The following HHAT variants were observed in gnomAD, a reference collection of about 807,000 sequenced individuals.
HHAT encodes the protein protein-cysteine N-palmitoyltransferase HHAT.
HHAT carries 47 observed loss-of-function variants against 70.8 expected under a neutral mutation model. That is an observed-to-expected ratio of 0.66 (90% CI 0.53 to 0.85). The LOEUF is 0.85. Ranked by LOEUF, HHAT falls within the 40% of genes least tolerant of loss-of-function variation. The pLI is 0.00. For synonymous variants in HHAT, 228 were observed against 247.6 expected, an observed-to-expected ratio of 0.92 and a Z score of 0.74; for missense variants, 609 against 604.8, an observed-to-expected ratio of 1.01 and a Z score of -0.07.
At chr1:210,422,693 A>G (rs1057404025) in intron 7 of HHAT, among the ~76,000 whole-genome samples, 49 of 151,910 alleles carry the variant, frequency 3.2e-4, no homozygotes, top group African/African-American at 1.1e-3. Context: ...GCTGGAGTGC[A>G]GTGGCATGAC....
At chr1:210,339,757 C>T (rs968695242) in intron 1 of HHAT, among the ~76,000 whole-genome samples, 11 of 152,170 alleles carry the variant, frequency 7.2e-5, no homozygotes, top group African/African-American at 2.7e-4. Context: ...ACTGTCCAGA[C>T]TGCCATCCCA....
rs183593696 is a variant in HHAT at position 210,615,304 on chromosome 1, C to T, written c.1246-8222C>T. ...GTTTGAGTTCTTGTAAATTTAAGGA[C>T]TTCTCTGCATTGGTTATTCTAGTTA... is the stretch of plus-strand genomic sequence containing the variant. On this transcript the variant is annotated intron_variant, in intron 10 of 11. Coordinates refer to ENST00000261458, the MANE Select transcript of HHAT (RefSeq NM_018194.6). Among the ~76,000 whole-genome samples the T allele has an allele frequency of 7.0e-3, 1,070 of 152,172 alleles. 15 individuals carry two copies. The highest frequency in any genetic ancestry group is 0.023 in the African/African-American group (975 of 41,534).
chr1:210,652,448 A>G (rs11119560), intron 11 of HHAT, among the ~76,000 whole-genome samples: 6,835 of 152,268 alleles, frequency 0.045, 400 homozygotes, highest in East Asian at 0.23. Context: ...CAGAGGGCAG[A>G]ACCCGGGGCC....
intron 7 of HHAT, among the ~76,000 whole-genome samples, chr1:210,442,815 G>A (rs1397844684): frequency 1.3e-5 from 2 of 152,186 alleles, no homozygotes; most frequent in Non-Finnish European, 2.9e-5. Flanking sequence ...TGTTCACTCT[G>A]ATGGTAGTTT....
intron 9 of HHAT, among the ~76,000 whole-genome samples, chr1:210,577,455 C>A (rs961658266): frequency 4.6e-5 from 7 of 152,012 alleles, no homozygotes; most frequent in Non-Finnish European, 8.8e-5. Flanking sequence ...TTTTGTCCTT[C>A]ATTCTGTTAA....
At chr1:210,547,852 TG>T (rs2095496869) in intron 9 of HHAT, among the ~76,000 whole-genome samples, 1 of 152,190 alleles carries the variant, frequency 6.6e-6, no homozygotes, top group South Asian at 2.1e-4. Context: ...TCTGAGCAGA[TG>T]TGTTACCCCA....
intron 2 of HHAT, 118 bp from the exon 3 acceptor site, chr1:210,362,734 C>G (rs2294848): frequency 0.77 from 593,695 of 769,788 alleles, 231,239 homozygotes; most frequent in African/African-American, 0.95. Flanking sequence ...CGTGCCTGCA[C>G]CTTAGTCCAC....
At chr1:210,563,645 C>G (rs1270090098) in intron 9 of HHAT, among the ~76,000 whole-genome samples, 2 of 152,122 alleles carry the variant, frequency 1.3e-5, no homozygotes, top group Non-Finnish European at 2.9e-5. Context: ...ATGACAGATC[C>G]AACTCTCAGC....
intron 6 of HHAT, among the ~76,000 whole-genome samples, chr1:210,411,921 A>C (rs547508896): frequency 6.6e-6 from 1 of 152,324 alleles, no homozygotes; most frequent in Non-Finnish European, 1.5e-5. Flanking sequence ...TCAGACGGCT[A>C]TAACAAAATA....
chr1:210,419,234 G>A (rs1012574098), intron 7 of HHAT, among the ~76,000 whole-genome samples: 18 of 152,080 alleles, frequency 1.2e-4, no homozygotes, highest in African/African-American at 4.3e-4. Context: ...ACACTGTCTT[G>A]GGATAGAATA....
intron 7 of HHAT, among the ~76,000 whole-genome samples, chr1:210,450,725 A>T (rs973043735): frequency 6.6e-6 from 1 of 152,042 alleles, no homozygotes; most frequent in Non-Finnish European, 1.5e-5. Context: ...TTCCCCTGGA[A>T]TGCTAGCAAA....
chr1:210,559,709 T>C (rs2095604006), intron 9 of HHAT, among the ~76,000 whole-genome samples: 1 of 152,136 alleles, frequency 6.6e-6, no homozygotes, highest in Non-Finnish European at 1.5e-5. Flanking sequence ...CAGAACAGGA[T>C]TTTATTGTGA....
intron 11 of HHAT, among the ~76,000 whole-genome samples, chr1:210,669,207 G>T (rs954281943): frequency 1.3e-5 from 2 of 152,208 alleles, no homozygotes; most frequent in Middle Eastern, 6.8e-3. Context: ...GTATCAAACC[G>T]CAGGCTTTCC....
intron 1 of HHAT, among the ~76,000 whole-genome samples, chr1:210,341,231 T>C (rs2086015096): frequency 6.6e-6 from 1 of 152,194 alleles, no homozygotes; most frequent in African/African-American, 2.4e-5. Flanking sequence ...AGCTGTCTTG[T>C]TAAAGTTCTC....
At chr1:210,621,464 T>C (rs12758027) in intron 10 of HHAT, among the ~76,000 whole-genome samples, 78,815 of 152,020 alleles carry the variant, frequency 0.52, 20,834 homozygotes, top group African/African-American at 0.6. Context: ...TCTTAATCCA[T>C]TTTGGATCTT....
intron 9 of HHAT, among the ~76,000 whole-genome samples, chr1:210,540,550 C>G (rs73079522): frequency 6.6e-6 from 1 of 151,478 alleles, no homozygotes; most frequent in African/African-American, 2.4e-5. Flanking sequence ...AACTCACCCT[C>G]ATAGACATAC....
chr1:210,382,115 A>G (rs1043728383), intron 3 of HHAT, among the ~76,000 whole-genome samples: 3 of 152,200 alleles, frequency 2.0e-5, no homozygotes, highest in African/African-American at 7.2e-5. Context: ...GGCGATGAGA[A>G]TTCAAGGCTA....
chr1:210,546,298 T>C (rs748307200), intron 9 of HHAT, among the ~76,000 whole-genome samples: 4 of 151,982 alleles, frequency 2.6e-5, no homozygotes, highest in Non-Finnish European at 4.4e-5. Context: ...CTGAATAAAG[T>C]GATGGGAAAA....
At chr1:210,329,318 C>T (rs2084778703) in intron 1 of HHAT, 2 of 1,217,466 alleles carry the variant, frequency 1.6e-6, no homozygotes, top group Non-Finnish European at 1.0e-6. Context: ...CGGGCAAAGG[C>T]GGGGATCTAG....
Sources: gnomAD v4.1 joint callset for allele counts (sites outside exome capture counted in the v4.1 genomes callset) on GRCh38, gnomAD v4.1.1 for gene constraint, MANE v1.5 for transcripts, NCBI Gene and HGNC (gene_info 2026-07-23, HGNC 2026-07-21) for gene names.